The following LRFN5 variants were observed in gnomAD, a reference collection of about 807,000 sequenced individuals.
The protein encoded by LRFN5 is leucine rich repeat and fibronectin type III domain containing 5.
In LRFN5, 24 loss-of-function variants were observed where a neutral mutation model predicts 45.6. The ratio of observed to expected loss-of-function variants is 0.53; its 90% CI spans 0.38 to 0.74. The LOEUF (loss-of-function observed/expected upper bound fraction) is 0.74, where lower values mean the gene tolerates loss of function less well. Ranked by LOEUF, LRFN5 falls within the 30% of genes least tolerant of loss-of-function variation. The pLI is 0.00. For missense variants in LRFN5, 776 were observed against 861.5 expected (o/e 0.90, Z 1.24); for synonymous variants, 340 against 313.8 (o/e 1.08, Z -0.88).
intron 2 of LRFN5, among the ~76,000 whole-genome samples, chr14:41,796,859 A>G (rs1887150749): frequency 6.6e-6 from 1 of 151,908 alleles, no homozygotes; most frequent in Non-Finnish European, 1.5e-5. Flanking sequence ...ATAATTCTTT[A>G]GTATTTTTTC....
chr14:41,803,163 G>A (rs1265278957), intron 2 of LRFN5, among the ~76,000 whole-genome samples: 1 of 152,046 alleles, frequency 6.6e-6, no homozygotes, highest in East Asian at 1.9e-4. Flanking sequence ...ATAAATCATA[G>A]CAGGTATGAA....
At chr14:41,781,558 G>GAAAGAAAGAA (rs1555317470) in intron 2 of LRFN5, among the ~76,000 whole-genome samples, 2 of 106,934 alleles carry the variant, frequency 1.9e-5, no homozygotes, top group Non-Finnish European at 3.6e-5. Flanking sequence ...AGAAAAGAAA[G>GAAAGAAAGAA]AGAAAGAAAG....
chr14:41,765,759 T>C (rs1268438124), intron 1 of LRFN5, among the ~76,000 whole-genome samples: 1 of 152,194 alleles, frequency 6.6e-6, no homozygotes, highest in African/African-American at 2.4e-5. Context: ...AGATAAATAA[T>C]TGAAATATAT....
chr14:41,650,266 C>A (rs201268376), intron 1 of LRFN5, among the ~76,000 whole-genome samples: 10,290 of 134,920 alleles, frequency 0.076, 463 homozygotes, highest in Non-Finnish European at 0.097. Flanking sequence ...CACACACACA[C>A]AAAAAAAAAA....
chr14:41,649,515 G>A (rs1879989656), intron 1 of LRFN5, among the ~76,000 whole-genome samples: 1 of 152,108 alleles, frequency 6.6e-6, no homozygotes, highest in Admixed American at 6.6e-5. Context: ...GGCTAAGCTT[G>A]AGTCAGGCTT....
intron 2 of LRFN5, 42 bp from the exon 3 acceptor site, chr14:41,886,564 A>G: frequency 7.8e-7 from 1 of 1,284,444 alleles, no homozygotes; most frequent in Non-Finnish European, 1.1e-6. Context: ...TATGAATTAA[A>G]TCACTGGATG....
intron 2 of LRFN5, among the ~76,000 whole-genome samples, chr14:41,795,571 A>C (rs1353926608): frequency 6.6e-6 from 1 of 152,124 alleles, no homozygotes; most frequent in African/African-American, 2.4e-5. Flanking sequence ...TGTGGCACAT[A>C]TACACCATGG....
intron 2 of LRFN5, among the ~76,000 whole-genome samples, chr14:41,825,918 C>G (rs907231022): frequency 6.6e-6 from 1 of 152,206 alleles, no homozygotes; most frequent in African/African-American, 2.4e-5. Flanking sequence ...ATAACTCCAC[C>G]TACCTTTTCC....
intron 2 of LRFN5, among the ~76,000 whole-genome samples, chr14:41,794,744 G>A (rs1887057766): frequency 6.6e-6 from 1 of 152,094 alleles, no homozygotes; most frequent in East Asian, 1.9e-4. Flanking sequence ...GTCAGAAATT[G>A]TAGAAGATGC....
intron 1 of LRFN5, among the ~76,000 whole-genome samples, chr14:41,610,661 T>TAAAAAAAAAA (rs199770856): frequency 0.037 from 1,359 of 37,132 alleles, 237 homozygotes; most frequent in African/African-American, 0.098. Flanking sequence ...CCAGGGAAGG[T>TAAAAAAAAAA]AAAAAAAAAA....
In LRFN5 at chr14:41,894,848, C is replaced by G. The variant is rs144750698; in HGVS notation, c.2098+2886C>G. The stretch of plus-strand genomic sequence containing the variant: ...TACCATAAGCAACAAATTCTCTGTC[C>G]TTTTCTTGTTTTGCTTTCTGTCATT... On this transcript the variant is annotated intron_variant, in intron 4 of 5. Transcript: ENST00000298119. 510 of 981,472 alleles carry G rather than the reference C, an allele frequency of 5.2e-4. 1 individual carries two copies. The African/African-American group carries it at 8.4e-3, about 16-fold the overall frequency. The allele number at this position is 981,472 out of a possible 1,614,324, so 60.8% of individuals were successfully genotyped here.
In LRFN5 at chr14:41,757,591, C is replaced by G. The variant is rs563112878; in HGVS notation, c.-196-9263C>G. Among the ~76,000 whole-genome samples, 37 of 152,326 alleles carry G rather than the reference C, an allele frequency of 2.4e-4. No individual in the cohort carries two copies. The South Asian group carries it at 6.0e-3, about 25-fold the overall frequency. ...ATATAATCTTCTGGTGTGCCATTTG[C>G]TAATACCATTGGAAAAGCACAGTAT... is the stretch of plus-strand genomic sequence containing the variant. On this transcript the variant is annotated intron_variant, in intron 1 of 5. Coordinates refer to ENST00000298119, the MANE Select transcript of LRFN5 (RefSeq NM_152447.5).
chr14:41,724,324 C>A (rs73305583), intron 1 of LRFN5, among the ~76,000 whole-genome samples: 1 of 152,118 alleles, frequency 6.6e-6, no homozygotes, highest in Non-Finnish European at 1.5e-5. Context: ...TTAGAAAGCA[C>A]CCCTAATTTT....
At chr14:41,793,505 G>A (rs1341180606) in intron 2 of LRFN5, among the ~76,000 whole-genome samples, 2 of 151,722 alleles carry the variant, frequency 1.3e-5, no homozygotes, top group Non-Finnish European at 2.9e-5. Flanking sequence ...TGTAATCTTT[G>A]TTGTCTCTAA....
At chr14:41,784,302 A>G (rs1291897785) in intron 2 of LRFN5, among the ~76,000 whole-genome samples, 1 of 152,138 alleles carries the variant, frequency 6.6e-6, no homozygotes, top group East Asian at 1.9e-4. Context: ...GCTTTATAAT[A>G]AATGCTGATC....
chr14:41,810,380 G>A (rs1056546748), intron 2 of LRFN5, among the ~76,000 whole-genome samples: 1 of 151,996 alleles, frequency 6.6e-6, no homozygotes. Flanking sequence ...AGAGGTGCCA[G>A]TTTTTTGGTC....
intron 1 of LRFN5, among the ~76,000 whole-genome samples, chr14:41,669,478 T>TCTA (rs552953205): frequency 3.2e-3 from 493 of 152,132 alleles, no homozygotes; most frequent in African/African-American, 0.011. Flanking sequence ...ATATCTAACA[T>TCTA]TAGAATCCTA....
intron 2 of LRFN5, among the ~76,000 whole-genome samples, chr14:41,780,248 T>C (rs1886434492): frequency 1.3e-5 from 2 of 152,040 alleles, no homozygotes; most frequent in Non-Finnish European, 2.9e-5. Flanking sequence ...CTTTCTGTTA[T>C]TAATTTAATT....
At chr14:41,627,878 T>C (rs952609195) in intron 1 of LRFN5, among the ~76,000 whole-genome samples, 3 of 152,092 alleles carry the variant, frequency 2.0e-5, no homozygotes, top group African/African-American at 7.3e-5. Context: ...TCACTTGAAA[T>C]TGTATACATT....
Sources: gnomAD v4.1 joint callset for allele counts (sites outside exome capture counted in the v4.1 genomes callset) on GRCh38, gnomAD v4.1.1 for gene constraint, MANE v1.5 for transcripts, NCBI Gene and HGNC (gene_info 2026-07-23, HGNC 2026-07-21) for gene names.